Variants in NKX2-3 observed in about 807,000 individuals in gnomAD.
NKX2-3 encodes homeobox protein Nkx-2.3.
Under a neutral mutation model 14.2 loss-of-function variants are expected in NKX2-3, and 3 were observed. The observed-to-expected ratio is 0.21, with a 90% CI of 0.10 to 0.55. The LOEUF is 0.55. NKX2-3 is among the 20% of genes least tolerant of loss of function. The pLI is 0.94. For missense variants in NKX2-3, 511 were observed against 514.5 expected, an observed-to-expected ratio of 0.99 and a Z score of 0.06; for synonymous variants, 276 against 234.2, an observed-to-expected ratio of 1.18 and a Z score of -1.63.
intron 1 of NKX2-3, among the ~76,000 whole-genome samples, chr10:99,533,751 C>G (rs1483024824): frequency 6.6e-6 from 1 of 152,228 alleles, no homozygotes; most frequent in Non-Finnish European, 1.5e-5. Flanking sequence ...TTACTGCTGC[C>G]CTGATGCTGA....
At position 99,532,975 on chromosome 10, in the gene NKX2-3, C is replaced by T. The variant is rs962512145; in HGVS notation, c.-157C>T. On this transcript the variant is annotated 5_prime_UTR_variant, in exon 1 of 2. Coordinates refer to ENST00000344586, the MANE Select transcript of NKX2-3 (RefSeq NM_145285.3). Reference sequence around the variant, plus strand: ...TAACAAAACCCAGACCCCCAGGTCCCGGCCAATGGAGGCGATTTAGACTGG... The same window carrying T: ...TAACAAAACCCAGACCCCCAGGTCCTGGCCAATGGAGGCGATTTAGACTGG... The T allele has an allele frequency of 4.9e-6, 3 of 614,402 alleles. No individual in the cohort carries two copies. The highest frequency in any genetic ancestry group is 8.7e-6 in the Non-Finnish European group (3 of 343,130). 38.1% of individuals were successfully genotyped at this position (614,402 alleles called of 1,614,324 possible).
chr10:99,535,235 C>T lies in NKX2-3; in HGVS notation c.609C>T (p.Cys203=). 2 of 1,612,490 alleles carry T rather than the reference C, an allele frequency of 1.2e-6. No homozygotes were observed. Among genetic ancestry groups the T allele is most frequent in the Non-Finnish European group, 1.7e-6 (2 of 1,179,590 alleles). ...GGTTCCAGAATCGCAGGTACAAGTG[C>T]AAGAGACAGCGGCAGGACAAGTCTC... ...KIWFQNRRYK[C]KRQRQDKSLE... The change falls in exon 2 of 2, where the codon TGC becomes TGT. Residue 203 remains cysteine (C), a synonymous_variant. Transcript: ENST00000344586.
At position 99,533,027 on chromosome 10, in the gene NKX2-3, G is replaced by T; in HGVS notation, c.-105G>T. 2.5e-6 allele frequency: 2 copies of T among 796,788 alleles called. No individual in the cohort carries two copies. Among genetic ancestry groups the T allele is most frequent in the South Asian group, 3.7e-5 (2 of 53,990 alleles). 49.4% of individuals were successfully genotyped at this position (796,788 alleles called of 1,614,324 possible). A position where few individuals can be genotyped will look rare whatever the true frequency, so the allele number is the denominator to read the frequency against. Reference sequence around the variant, plus strand: ...GTGGGACCGCGTCTGTCAAAAGCCCGACTCGGCAGCAGCGGCGGAGTCCAG... The same window carrying T: ...GTGGGACCGCGTCTGTCAAAAGCCCTACTCGGCAGCAGCGGCGGAGTCCAG... On this transcript the variant is annotated 5_prime_UTR_variant, in exon 1 of 2. Transcript: ENST00000344586.
In NKX2-3 at chr10:99,534,995, G is replaced by C; in HGVS notation, c.369G>C (p.Gln123His). 6.3e-7 allele frequency: 1 copy of C among 1,598,974 alleles called. No homozygotes were observed. The highest frequency in any genetic ancestry group is 8.5e-7 in the Non-Finnish European group (1 of 1,172,814). Residue 123 changes from glutamine (Q) to histidine (H), a missense_variant, in exon 2 of 2, where the codon CAG becomes CAC. Physicochemically the swap from Gln to His is conservative, Grantham distance 24 (BLOSUM62 0). Coordinates refer to ENST00000344586, the MANE Select transcript of NKX2-3 (RefSeq NM_145285.3). The part of the protein sequence containing the change: ...VVRDRSQKSC[Q>H]LKKSLETAGD... ...TTGCTTCTTCCGCAGAAAGCTGCCA[G>C]CTGAAGAAGTCTCTAGAGACGGCCG...
Position 99,535,173 on chromosome 10 carries a change from A to T in NKX2-3, c.547A>T (p.Ser183Cys), listed in dbSNP as rs978442839. The T allele has an allele frequency of 1.6e-5, 26 of 1,613,334 alleles. No individual in the cohort carries two copies. The Admixed American group carries it at 3.7e-4, about 23-fold the overall frequency. ...GGCACCCGAGCGCGAGCACCTCGCC[A>T]GCAGCCTGAAGCTCACATCCACTCA... Reference protein sequence around the residue: ...LSAPEREHLASSLKLTSTQVK... With the variant: ...LSAPEREHLACSLKLTSTQVK... The change falls in exon 2 of 2, where the codon AGC (serine) becomes TGC (cysteine). Residue 183 changes from serine to cysteine, a missense_variant. This residue lies in a region of NKX2-3 where 243 missense variants were observed against 242.3 expected (regional missense o/e 1.00). Transcript: ENST00000344586.
Position 99,535,317 on chromosome 10 carries a change from C to T in NKX2-3, c.691C>T (p.Leu231=). Reference sequence around the variant, plus strand: ...GCCGCGCCGCGTGGCTGTCCCGGTGCTGGTGCGGGACGGCAAGCCGTGCGT... The same window carrying T: ...GCCGCGCCGCGTGGCTGTCCCGGTGTTGGTGCGGGACGGCAAGCCGTGCGT... ...PPPRRVAVPV[L]VRDGKPCVTP... Residue 231 remains leucine (L), a synonymous_variant, in exon 2 of 2, where the codon CTG becomes TTG. Transcript: ENST00000344586. The T allele has an allele frequency of 6.4e-7, 1 of 1,563,560 alleles. No individual in the cohort carries two copies. The highest frequency in any genetic ancestry group is 1.4e-5 in the African/African-American group (1 of 73,704).
rs2033967842 is a variant in NKX2-3, at chr10:99,536,085, G to A, written c.*364G>A. 1.4e-5 allele frequency: 4 copies of A among 284,308 alleles called. No individual in the cohort carries two copies. The South Asian group carries it at 2.3e-4, about 17-fold the overall frequency. The allele number at this position is 284,308 out of a possible 1,614,324, so 17.6% of individuals were successfully genotyped here. ...TGCCTTTCCGCGGCCTCCGCGAAGCGTTGGCGGGGAGCCCAAGGACATAAC... is the reference window on the plus strand; with the variant it reads ...TGCCTTTCCGCGGCCTCCGCGAAGCATTGGCGGGGAGCCCAAGGACATAAC... On this transcript the variant is annotated 3_prime_UTR_variant, in exon 2 of 2. Coordinates refer to ENST00000344586, the MANE Select transcript of NKX2-3 (RefSeq NM_145285.3).
rs961877127 is a variant in NKX2-3 at position 99,535,442 on chromosome 10, G to C, written c.816G>C (p.Ala272=). 7 of 1,310,974 alleles carry C rather than the reference G, an allele frequency of 5.3e-6. No homozygotes were observed. The African/African-American group carries it at 9.5e-5, about 18-fold the overall frequency. 81.2% of individuals were successfully genotyped at this position (1,310,974 alleles called of 1,614,324 possible). Residue 272 remains alanine (A), a synonymous_variant, in exon 2 of 2, where the codon GCG becomes GCC. Transcript: ENST00000344586. ...CCTACGGCTATGGGAACTCGGCCGC[G>C]GCCGCCGCCGCCGCCGCCGCCGCCG... is the stretch of plus-strand genomic sequence containing the variant. ...FPAYGYGNSA[A]AAAAAAAAAA... is the part of the protein sequence containing the mutation.
intron 1 of NKX2-3, among the ~76,000 whole-genome samples, chr10:99,534,608 G>A (rs1433759563): frequency 6.6e-6 from 1 of 152,214 alleles, no homozygotes; most frequent in Non-Finnish European, 1.5e-5. Flanking sequence ...ATCCTTGGTG[G>A]AGTAGAATGC....
At position 99,535,554 on chromosome 10, in the gene NKX2-3, A is replaced by T. The variant is rs1370685170; in HGVS notation, c.928A>T (p.Thr310Ser). 2 of 1,420,962 alleles carry T rather than the reference A, an allele frequency of 1.4e-6. No homozygotes were observed. The highest frequency in any genetic ancestry group is 3.0e-5 in the African/African-American group (2 of 66,312). 88.0% of individuals were successfully genotyped at this position (1,420,962 alleles called of 1,614,324 possible). ...GGGGGGTSAATTAMQPACSAA... is the reference protein window; with the variant it reads ...GGGGGGTSAASTAMQPACSAA... ...CGGCGGCGGCGGGACCTCCGCGGCG[A>T]CCACTGCCATGCAGCCCGCCTGCAG... Residue 310 changes from threonine to serine, a missense_variant, in exon 2 of 2, where the codon ACC becomes TCC. Thr to Ser is a moderately conservative substitution (Grantham distance 58). Coordinates refer to ENST00000344586, the MANE Select transcript of NKX2-3 (RefSeq NM_145285.3).
At chr10:99,533,522 C>T in intron 1 of NKX2-3, 33 bp downstream of exon 1, 1 of 1,457,988 alleles carries the variant, frequency 6.9e-7, no homozygotes, top group South Asian at 1.2e-5. Context: ...CGCACCCGCA[C>T]ACCTGGAGCA....
chr10:99,533,056 G>T lies in NKX2-3; in HGVS notation c.-76G>T. Reference sequence around the variant, plus strand: ...CGGCAGCAGCGGCGGAGTCCAGGAGGAGAGCTGGAGCCGCCGCGCTGCCTC... The same window carrying T: ...CGGCAGCAGCGGCGGAGTCCAGGAGTAGAGCTGGAGCCGCCGCGCTGCCTC... On this transcript the variant is annotated 5_prime_UTR_variant, in exon 1 of 2. Transcript: ENST00000344586. 9.6e-7 allele frequency: 1 copy of T among 1,039,620 alleles called. No individual in the cohort carries two copies. The highest frequency in any genetic ancestry group is 1.4e-6 in the Non-Finnish European group (1 of 701,322). The allele number at this position is 1,039,620 out of a possible 1,614,324, so 64.4% of individuals were successfully genotyped here. A position where few individuals can be genotyped will look rare whatever the true frequency, so the allele number is the denominator to read the frequency against.
At chr10:99,534,853 A>C in intron 1 of NKX2-3, 132 bp from the exon 2 acceptor site, 1 of 1,141,108 alleles carries the variant, frequency 8.8e-7, no homozygotes, top group Non-Finnish European at 1.2e-6. Context: ...GGAGCCACAA[A>C]CGTTCCCAAA....
In NKX2-3 at chr10:99,535,839, C is replaced by G; in HGVS notation, c.*118C>G. 6.1e-6 allele frequency: 7 copies of G among 1,151,642 alleles called. No homozygotes were observed. The highest frequency in any genetic ancestry group is 8.2e-6 in the Non-Finnish European group (7 of 855,522). 71.3% of individuals were successfully genotyped at this position (1,151,642 alleles called of 1,614,324 possible). On this transcript the variant is annotated 3_prime_UTR_variant, in exon 2 of 2. Coordinates refer to ENST00000344586, the MANE Select transcript of NKX2-3 (RefSeq NM_145285.3). ...TCGTTAAAAAAATATGTACGTCTAG[C>G]TCCTCAGGGCTTCGGATCGCAGCTC...
Position 99,535,169 on chromosome 10 carries a change from C to A in NKX2-3, c.543C>A (p.Leu181=), listed in dbSNP as rs773733656. The part of the protein sequence containing the change: ...RYLSAPEREH[L]ASSLKLTSTQ... ...TGTCGGCACCCGAGCGCGAGCACCT[C>A]GCCAGCAGCCTGAAGCTCACATCCA... The change falls in exon 2 of 2, where the codon CTC becomes CTA. Residue 181 remains leucine, a synonymous_variant. Transcript: ENST00000344586. The A allele has an allele frequency of 1.9e-6, 3 of 1,613,328 alleles. No homozygotes were observed. Among genetic ancestry groups the A allele is most frequent in the Middle Eastern group, 1.7e-4 (1 of 6,060 alleles).
At position 99,535,517 on chromosome 10, in the gene NKX2-3, GGGC is replaced by G. The variant is rs751487317; in HGVS notation, c.912_914del (p.Gly305del). On this transcript the variant is annotated inframe_deletion, in exon 2 of 2. Coordinates refer to ENST00000344586, the MANE Select transcript of NKX2-3 (RefSeq NM_145285.3). ...GCAGCTATGGCTGTGCGTACCCGGC[GGGC>G]GGCGGCGGCGGCGGCGGCGGGACCT... 37,704 of 1,071,172 alleles carry G rather than the reference GGGC, an allele frequency of 0.035. 1 individual carries two copies. The highest frequency in any genetic ancestry group is 0.079 in the South Asian group (2,964 of 37,620). 66.4% of individuals were successfully genotyped at this position (1,071,172 alleles called of 1,614,324 possible).
Position 99,533,227 on chromosome 10 carries a change from G to T in NKX2-3, c.96G>T (p.Leu32Phe). 1 of 1,610,968 alleles carries T rather than the reference G, an allele frequency of 6.2e-7. No homozygotes were observed. The highest frequency in any genetic ancestry group is 8.5e-7 in the Non-Finnish European group (1 of 1,177,400). The change falls in exon 1 of 2, where the codon TTG becomes TTT. Residue 32 changes from leucine (L) to phenylalanine (F), a missense_variant. Coordinates refer to ENST00000344586, the MANE Select transcript of NKX2-3 (RefSeq NM_145285.3). ...QQHQHFHGAH[L>F]QADLEHHFHS... ...ACCAGCACTTCCATGGTGCGCACTT[G>T]CAGGCGGACTTGGAGCACCACTTCC...
chr10:99,533,105 T>C lies in NKX2-3; in HGVS notation c.-27T>C, dbSNP rs1183577514. The C allele has an allele frequency of 4.1e-6, 6 of 1,477,150 alleles. No homozygotes were observed. Among genetic ancestry groups the C allele is most frequent in the Non-Finnish European group, 5.5e-6 (6 of 1,095,782 alleles). 91.5% of individuals were successfully genotyped at this position (1,477,150 alleles called of 1,614,324 possible). On this transcript the variant is annotated 5_prime_UTR_variant, in exon 1 of 2. Coordinates refer to ENST00000344586, the MANE Select transcript of NKX2-3 (RefSeq NM_145285.3). Reference sequence around the variant, plus strand: ...TCCCCGCCCCCGCCGGGATTTATTATTTGGACTGGACAATTAAGTGGCCCT... The same window carrying C: ...TCCCCGCCCCCGCCGGGATTTATTACTTGGACTGGACAATTAAGTGGCCCT...
chr10:99,535,694 C>A lies in NKX2-3; in HGVS notation c.1068C>A (p.Gly356=). 1.3e-6 allele frequency: 2 copies of A among 1,535,722 alleles called. No homozygotes were observed. The highest frequency in any genetic ancestry group is 2.7e-5 in the African/African-American group (2 of 72,804). The change falls in exon 2 of 2, where the codon GGC becomes GGA. Residue 356 remains glycine, a synonymous_variant. Transcript: ENST00000344586. The part of the protein sequence containing the change: ...GTAAGAACAQ[G]TLQGIRAW ...CAGCCGGGGCCGCGTGCGCTCAGGG[C>A]ACCTTGCAGGGCATCCGGGCCTGGT...
Sources: gnomAD v4.1 joint callset for allele counts (sites outside exome capture counted in the v4.1 genomes callset) on GRCh38, gnomAD v4.1.1 for gene constraint, gnomAD v4.1.1 regional missense constraint, MANE v1.5 for transcripts, NCBI Gene and HGNC (gene_info 2026-07-23, HGNC 2026-07-21) for gene names.